The following LARGE1 variants were observed in gnomAD, a reference collection of about 807,000 sequenced individuals.
The protein encoded by LARGE1 is LARGE xylosyl- and glucuronyltransferase 1.
Under a neutral mutation model 87.6 loss-of-function variants are expected in LARGE1, and 43 were observed. That is an observed-to-expected ratio of 0.49 (90% CI 0.38 to 0.63). The LOEUF (loss-of-function observed/expected upper bound fraction) is 0.63, where lower values mean the gene tolerates loss of function less well. LARGE1 is among the 30% of genes least tolerant of loss of function. LARGE1 has a pLI of 0.00. For synonymous variants in LARGE1, 434 were observed against 394.6 expected (o/e 1.10, Z -1.18); for missense variants, 802 against 1,000.2 (o/e 0.80, Z 2.67).
At chr22:33,733,771 A>G (rs562860410) in intron 2 of LARGE1, 1 of 152,318 alleles carries the variant, frequency 6.6e-6, no homozygotes, top group South Asian at 2.1e-4. Flanking sequence ...CAGTGAATAT[A>G]ATGTAAATTT....
At chr22:33,121,783 C>T in the LARGE1 span, among the ~76,000 whole-genome samples, 45 of 152,304 alleles carry the variant, frequency 3.0e-4, no homozygotes, top group Middle Eastern at 3.4e-3. Flanking sequence ...AATGAACTCA[C>T]GGTTCCACAT....
chr22:33,284,855 G>A (rs960753152), intron 12 of LARGE1, among the ~76,000 whole-genome samples: 10 of 152,134 alleles, frequency 6.6e-5, no homozygotes, highest in African/African-American at 7.2e-5. Context: ...GATTACAGGT[G>A]TGCACCACTG....
chr22:33,268,431 T>TTA (rs199856234), downstream of LARGE1, among the ~76,000 whole-genome samples: 4,260 of 143,660 alleles, frequency 0.03, 333 homozygotes, highest in African/African-American at 0.11. Context: ...TTAAAAAACT[T>TTA]TTTTTTTTTT....
chr22:33,647,764 T>C (rs1435617558), intron 3 of LARGE1, among the ~76,000 whole-genome samples: 1 of 152,158 alleles, frequency 6.6e-6, no homozygotes, highest in Non-Finnish European at 1.5e-5. Flanking sequence ...AACTTGATTT[T>C]TTTTTTCTTT....
rs143326084 is a variant in LARGE1 at position 33,469,782 on chromosome 22, C to T, written c.788-37517G>A. Among the ~76,000 whole-genome samples the T allele has an allele frequency of 5.4e-3, 818 of 150,164 alleles. 6 individuals are homozygous for T. Among genetic ancestry groups the T allele is most frequent in the African/African-American group, 0.018 (740 of 40,918 alleles). ...GGTGGAGGTTGCAGTCAGCCAAGAT[C>T]GCACCACTGCACTCCAGCCTGGGCG... is the stretch of plus-strand genomic sequence containing the variant. On this transcript the variant is annotated intron_variant, in intron 6 of 14. Coordinates refer to ENST00000397394, the MANE Select transcript of LARGE1 (RefSeq NM_133642.5).
intron 6 of LARGE1, among the ~76,000 whole-genome samples, chr22:33,441,586 T>A (rs2067480150): frequency 6.6e-6 from 1 of 152,128 alleles, no homozygotes; most frequent in Admixed American, 6.6e-5. Context: ...CCTGAGCAGC[T>A]ACGGGACTAC....
chr22:33,405,719 G>A (rs2066073598), intron 7 of LARGE1, among the ~76,000 whole-genome samples: 1 of 152,180 alleles, frequency 6.6e-6, no homozygotes. Flanking sequence ...AAACGATGTA[G>A]TGGGCATTAA....
intron 12 of LARGE1, among the ~76,000 whole-genome samples, chr22:33,296,324 G>T (rs1326821591): frequency 6.6e-6 from 1 of 152,150 alleles, no homozygotes; most frequent in Non-Finnish European, 1.5e-5. Context: ...CTGTGAGCTG[G>T]GGACTGTATT....
chr22:33,674,514 A>G (rs1233025646), intron 2 of LARGE1, among the ~76,000 whole-genome samples: 1 of 151,056 alleles, frequency 6.6e-6, no homozygotes, highest in Non-Finnish European at 1.5e-5. Context: ...CTAAGGCGAA[A>G]CTCTTTTGCA....
At chr22:33,796,596 C>G (rs1396196507) in intron 1 of LARGE1, among the ~76,000 whole-genome samples, 1 of 152,050 alleles carries the variant, frequency 6.6e-6, no homozygotes, top group East Asian at 1.9e-4. Flanking sequence ...ACATTATTTT[C>G]CAAGTAAAAT....
At chr22:33,633,695 A>T (rs1203408298) in intron 3 of LARGE1, among the ~76,000 whole-genome samples, 1 of 152,194 alleles carries the variant, frequency 6.6e-6, no homozygotes, top group African/African-American at 2.4e-5. Context: ...TGAGAGGCGA[A>T]ACCCATTTCA....
chr22:33,753,754 T>C (rs992258413), intron 2 of LARGE1, among the ~76,000 whole-genome samples: 3 of 152,134 alleles, frequency 2.0e-5, no homozygotes, highest in African/African-American at 7.2e-5. Flanking sequence ...GACCAAAGGC[T>C]ACGTATAAGA....
intron 9 of LARGE1, among the ~76,000 whole-genome samples, chr22:33,375,278 C>T (rs2064954803): frequency 6.6e-6 from 1 of 152,142 alleles, no homozygotes; most frequent in Non-Finnish European, 1.5e-5. Context: ...AGAAGCATTT[C>T]CTTCTTCCAA....
At chr22:33,530,603 C>G (rs1311622387) in intron 6 of LARGE1, among the ~76,000 whole-genome samples, 1 of 152,044 alleles carries the variant, frequency 6.6e-6, no homozygotes, top group African/African-American at 2.4e-5. Context: ...TCTGGCCTTA[C>G]AAGATTCAGC....
At chr22:33,627,283 G>C (rs575349623) in intron 3 of LARGE1, among the ~76,000 whole-genome samples, 1 of 152,310 alleles carries the variant, frequency 6.6e-6, no homozygotes, top group South Asian at 2.1e-4. Context: ...AGATCGGAAA[G>C]CACCACTCTA....
chr22:33,778,526 C>A (rs1009819119), intron 1 of LARGE1, among the ~76,000 whole-genome samples: 1 of 152,198 alleles, frequency 6.6e-6, no homozygotes, highest in Non-Finnish European at 1.5e-5. Flanking sequence ...TCTGCCTCTA[C>A]AGAGTTAGCA....
downstream of LARGE1, among the ~76,000 whole-genome samples, chr22:33,157,391 A>T (rs867546028): frequency 2.6e-5 from 4 of 152,138 alleles, no homozygotes; most frequent in African/African-American, 9.7e-5. Flanking sequence ...ATGTTTTCCC[A>T]CTTTTTTAAG....
chr22:33,155,325 G>A, the LARGE1 span, among the ~76,000 whole-genome samples: 2 of 152,202 alleles, frequency 1.3e-5, no homozygotes, highest in African/African-American at 4.8e-5. Context: ...ACTCCCTAGA[G>A]ACTTGGTAAA....
intron 6 of LARGE1, among the ~76,000 whole-genome samples, chr22:33,526,823 TA>T (rs1424939567): frequency 6.6e-6 from 1 of 152,134 alleles, no homozygotes; most frequent in African/African-American, 2.4e-5. Context: ...ACCATTTGAT[TA>T]AAAAAATACA....
Sources: gnomAD v4.1 joint callset for allele counts (sites outside exome capture counted in the v4.1 genomes callset) on GRCh38, gnomAD v4.1.1 for gene constraint, MANE v1.5 for transcripts, NCBI Gene and HGNC (gene_info 2026-07-23, HGNC 2026-07-21) for gene names.